Variants in TRMT6 observed in about 807,000 individuals in gnomAD.
TRMT6 encodes tRNA (adenine(58)-N(1))-methyltransferase non-catalytic subunit TRM6.
Under a neutral mutation model 59.0 loss-of-function variants are expected in TRMT6, and 34 were observed. The ratio of observed to expected loss-of-function variants is 0.58; its 90% CI spans 0.44 to 0.77. TRMT6 has a LOEUF of 0.77. Ranked by LOEUF, TRMT6 falls within the 30% of genes least tolerant of loss-of-function variation. The pLI is 0.00. For synonymous variants in TRMT6, 217 were observed against 210.5 expected (o/e 1.03, Z -0.27); for missense variants, 575 against 604.5 (o/e 0.95, Z 0.51).
In TRMT6 at chr20:5,937,461, CTT is replaced by C. The variant is rs1423583699; in HGVS notation, c.*1072_*1073del. On this transcript the variant is annotated 3_prime_UTR_variant, in exon 11 of 11. Transcript: ENST00000203001. ...CAAGAGCCTTGGCTGATTCTAAACA[CTT>C]TCTTTGCTACAGCACATGATCAAAT... 1 of 152,242 alleles carries C rather than the reference CTT, an allele frequency of 6.6e-6. No individual in the cohort carries two copies. Among genetic ancestry groups the C allele is most frequent in the Non-Finnish European group, 1.5e-5 (1 of 68,042 alleles). The allele number at this position is 152,242 out of a possible 1,614,324, so 9.4% of individuals were successfully genotyped here. A position where few individuals can be genotyped will look rare whatever the true frequency, so the allele number is the denominator to read the frequency against.
At chr20:5,941,021 C>A in intron 10 of TRMT6, 32 bp downstream of exon 10, 1 of 1,548,640 alleles carries the variant, frequency 6.5e-7, no homozygotes. Context: ...CTCGGGAGGG[C>A]AGCTCTTGGG....
intron 2 of TRMT6, 122 bp from the exon 3 acceptor site, chr20:5,945,036 C>T (rs1447447908): frequency 4.3e-6 from 3 of 695,890 alleles, no homozygotes; most frequent in Non-Finnish European, 5.0e-6. Context: ...AGCTGCACTG[C>T]CCCCATCACA....
At position 5,941,341 on chromosome 20, in the gene TRMT6, T is replaced by C. The variant is rs2088654323; in HGVS notation, c.1117A>G (p.Ile373Val). Residue 373 changes from isoleucine (I) to valine (V), a missense_variant, in exon 9 of 11, where the codon ATT (isoleucine) becomes GTT (valine). By Grantham distance (29) the Ile-to-Val change is conservative. Transcript: ENST00000203001. ...LLSERNADGLIVASRFHPTPL... is the reference protein window; with the variant it reads ...LLSERNADGLVVASRFHPTPL... Reference sequence around the variant, plus strand: ...GTGGGGTGGAAACGACTAGCTACAATTAAACTGTAAGGAAAATGCCAGACA... The same window carrying C: ...GTGGGGTGGAAACGACTAGCTACAACTAAACTGTAAGGAAAATGCCAGACA... The C allele has an allele frequency of 5.0e-6, 8 of 1,612,856 alleles. No individual in the cohort carries two copies. Among genetic ancestry groups the C allele is most frequent in the Middle Eastern group, 1.6e-4 (1 of 6,084 alleles).
At chr20:5,944,112 A>T in intron 4 of TRMT6, 50 bp downstream of exon 4, 1 of 1,337,798 alleles carries the variant, frequency 7.5e-7, no homozygotes, top group Non-Finnish European at 1.0e-6. Context: ...TATTTTATAA[A>T]CATATAAGAA....
chr20:5,944,331 A>G, intron 3 of TRMT6, 78 bp from the exon 4 acceptor site: 1 of 836,132 alleles, frequency 1.2e-6, no homozygotes, highest in Non-Finnish European at 1.9e-6. Context: ...TTCTTACCCA[A>G]GAATGGATCC....
At position 5,941,126 on chromosome 20, in the gene TRMT6, C is replaced by T. The variant is rs893040751; in HGVS notation, c.1229G>A (p.Cys410Tyr). 6.2e-7 allele frequency: 1 copy of T among 1,614,028 alleles called. No individual in the cohort carries two copies. The highest frequency in any genetic ancestry group is 1.3e-5 in the African/African-American group (1 of 74,934). Reference protein sequence around the residue: ...YCQYKEPLLECYTKLRERGGV... With the variant: ...YCQYKEPLLEYYTKLRERGGV... Reference sequence around the variant, plus strand: ...TCCCCTCTCCCGCAGTTTTGTGTAGCATTCCAACAGAGGCTGCAGACAACA... The same window carrying T: ...TCCCCTCTCCCGCAGTTTTGTGTAGTATTCCAACAGAGGCTGCAGACAACA... Residue 410 changes from cysteine (C) to tyrosine (Y), a missense_variant, in exon 10 of 11, where the codon TGC becomes TAC. Coordinates refer to ENST00000203001, the MANE Select transcript of TRMT6 (RefSeq NM_015939.5).
At chr20:5,949,889 C>T (rs1302733623) in intron 1 of TRMT6, among the ~76,000 whole-genome samples, 3 of 151,584 alleles carry the variant, frequency 2.0e-5, no homozygotes, top group Non-Finnish European at 2.9e-5. Context: ...CAGTGAAGAT[C>T]CCAAGGTCCT....
In TRMT6 at chr20:5,941,598, A is replaced by T. The variant is rs866746626; in HGVS notation, c.1113-253T>A. 208 of 544,420 alleles carry T rather than the reference A, an allele frequency of 3.8e-4. 4 individuals carry two copies. Among genetic ancestry groups the T allele is most frequent in the South Asian group, 3.7e-3 (153 of 41,228 alleles). 33.7% of individuals were successfully genotyped at this position (544,420 alleles called of 1,614,324 possible). A position where few individuals can be genotyped will look rare whatever the true frequency, so the allele number is the denominator to read the frequency against. ...CATTTAATGACATTCTTGATTTTTT[A>T]AAAAAAATCACCTGGAAACAAATCC... On this transcript the variant is annotated intron_variant, in intron 8 of 10. Coordinates refer to ENST00000203001, the MANE Select transcript of TRMT6 (RefSeq NM_015939.5).
chr20:5,938,827 T>C (rs2088631053), intron 10 of TRMT6, 101 bp from the exon 11 acceptor site: 3 of 1,057,706 alleles, frequency 2.8e-6, no homozygotes, highest in South Asian at 2.0e-5. Flanking sequence ...ACAGGTTCTC[T>C]TGATGATTTA....
intron 3 of TRMT6, among the ~76,000 whole-genome samples, chr20:5,944,461 C>T (rs1032547663): frequency 4.6e-5 from 7 of 152,004 alleles, no homozygotes; most frequent in African/African-American, 1.2e-4. Flanking sequence ...CTTAAACCAA[C>T]GTAAAAGAAC....
chr20:5,946,432 T>C lies in TRMT6; in HGVS notation c.230A>G (p.Lys77Arg). The C allele has an allele frequency of 1.2e-6, 2 of 1,613,860 alleles. No individual in the cohort carries two copies. Among genetic ancestry groups the C allele is most frequent in the Non-Finnish European group, 1.7e-6 (2 of 1,179,756 alleles). Residue 77 changes from lysine to arginine, a missense_variant, in exon 2 of 11, where the codon AAG (lysine) becomes AGG (arginine). Lys to Arg is a conservative substitution (Grantham distance 26). Coordinates refer to ENST00000203001, the MANE Select transcript of TRMT6 (RefSeq NM_015939.5). ...TGCAGTAGGCTCTTCCCTCTTCTTCTTGGGCTGTAGACTTCCTCCACTGGT... is the reference window on the plus strand; with the variant it reads ...TGCAGTAGGCTCTTCCCTCTTCTTCCTGGGCTGTAGACTTCCTCCACTGGT... ...EVTSGGSLQP[K>R]KKREEPTAET...
chr20:5,950,370 T>C lies in TRMT6; in HGVS notation c.36A>G (p.Pro12=), dbSNP rs1285870407. The C allele has an allele frequency of 1.2e-6, 2 of 1,609,288 alleles. No homozygotes were observed. Among genetic ancestry groups the C allele is most frequent in the East Asian group, 4.5e-5 (2 of 44,820 alleles). ...GGATGCGGTGGTCTCCGGGATGCTG[T>C]GGTTGTGGGCCCGGCTGCTCCCCTG... is the stretch of plus-strand genomic sequence containing the variant. ...EGSGEQPGPQ[P]QHPGDHRIRD... The change falls in exon 1 of 11, where the codon CCA becomes CCG. Residue 12 remains proline, a synonymous_variant. Transcript: ENST00000203001.
chr20:5,944,010 A>G lies in TRMT6; in HGVS notation c.480T>C (p.Val160=). Residue 160 remains valine (V), a synonymous_variant, in exon 5 of 11, where the codon GTT becomes GTC. Coordinates refer to ENST00000203001, the MANE Select transcript of TRMT6 (RefSeq NM_015939.5). ...KKKKYEAIIT[V]VKPSTRILSI... ...AAAGAATACGGGTGGATGGCTTCAC[A>G]ACAGTAATGATGGCTTCATATCTGG... 1 of 1,606,622 alleles carries G rather than the reference A, an allele frequency of 6.2e-7. No individual in the cohort carries two copies. The highest frequency in any genetic ancestry group is 1.7e-5 in the Admixed American group (1 of 59,438).
chr20:5,944,223 T>C lies in TRMT6; in HGVS notation c.397A>G (p.Thr133Ala). The C allele has an allele frequency of 6.4e-7, 1 of 1,574,246 alleles. No individual in the cohort carries two copies. Among genetic ancestry groups the C allele is most frequent in the Non-Finnish European group, 8.6e-7 (1 of 1,160,430 alleles). The change falls in exon 4 of 11, where the codon ACA becomes GCA. Residue 133 changes from threonine to alanine, a missense_variant. Physicochemically the swap from Thr to Ala is moderately conservative, Grantham distance 58. Coordinates refer to ENST00000203001, the MANE Select transcript of TRMT6 (RefSeq NM_015939.5). ...EIVQQLIENS[T>A]TFRDKTEFAQ... ...AATTCTGTCTTGTCTCGGAATGTTG[T>C]ACTATTTTCAATTAACTGCTGAACT...
intron 10 of TRMT6, 22 bp from the exon 11 acceptor site, chr20:5,938,748 T>C (rs1481157547): frequency 1.2e-6 from 2 of 1,607,502 alleles, no homozygotes; most frequent in Non-Finnish European, 1.7e-6. Flanking sequence ...AGAAAAGACA[T>C]TCATGCTTTC....
rs756531802 is a variant in TRMT6 at position 5,941,360 on chromosome 20, CCAGA to C, written c.1113-19_1113-16del. The C allele has an allele frequency of 1.9e-5, 31 of 1,590,234 alleles. No homozygotes were observed. Among genetic ancestry groups the C allele is most frequent in the African/African-American group, 2.7e-5 (2 of 74,244 alleles). On this transcript the variant is annotated splice_polypyrimidine_tract_variant and intron_variant, in intron 8 of 10. Coordinates refer to ENST00000203001, the MANE Select transcript of TRMT6 (RefSeq NM_015939.5). ...CTACAATTAAACTGTAAGGAAAATG[CCAGA>C]CAAATTATTTCTCTACACCCTCAAA...
intron 4 of TRMT6, 31 bp from the exon 5 acceptor site, chr20:5,944,062 A>G (rs773163793): frequency 6.7e-7 from 1 of 1,496,766 alleles, no homozygotes; most frequent in Non-Finnish European, 9.0e-7. Context: ...ACGCTGATTT[A>G]AAAAAATGAC....
In TRMT6 at chr20:5,938,008, A is replaced by G. The variant is rs1480961663; in HGVS notation, c.*527T>C. 2 of 152,320 alleles carry G rather than the reference A, an allele frequency of 1.3e-5. No homozygotes were observed. The highest frequency in any genetic ancestry group is 2.4e-5 in the African/African-American group (1 of 41,474). 9.4% of individuals were successfully genotyped at this position (152,320 alleles called of 1,614,324 possible). A position where few individuals can be genotyped will look rare whatever the true frequency, so the allele number is the denominator to read the frequency against. Reference sequence around the variant, plus strand: ...TCAGAACTTTCCCAGGTTGTCAACTATTAAAATAAAACCTCAGCATTTCAA... The same window carrying G: ...TCAGAACTTTCCCAGGTTGTCAACTGTTAAAATAAAACCTCAGCATTTCAA... On this transcript the variant is annotated 3_prime_UTR_variant, in exon 11 of 11. Transcript: ENST00000203001.
chr20:5,938,870 C>A (rs1296612447), intron 10 of TRMT6, 144 bp from the exon 11 acceptor site: 5 of 597,238 alleles, frequency 8.4e-6, no homozygotes, highest in Non-Finnish European at 1.4e-5. Flanking sequence ...TTTTCTTTTC[C>A]CTCCCTCCCT....
Sources: gnomAD v4.1 joint callset for allele counts (sites outside exome capture counted in the v4.1 genomes callset) on GRCh38, gnomAD v4.1.1 for gene constraint, MANE v1.5 for transcripts, NCBI Gene and HGNC (gene_info 2026-07-23, HGNC 2026-07-21) for gene names.